MYO16: variants seen among roughly 807,000 people sequenced by gnomAD.
MYO16 encodes myosin XVI.
Under a neutral mutation model 205.3 loss-of-function variants are expected in MYO16, and 94 were observed. The observed-to-expected ratio is 0.46, with a 90% CI of 0.39 to 0.54. MYO16 has a LOEUF of 0.54. MYO16 is among the 20% of genes least tolerant of loss of function. The probability of loss-of-function intolerance (pLI) is 0.00; values close to 1 mark genes in which losing one functional copy is unlikely to be tolerated. For missense variants in MYO16, 2,315 were observed against 2,387.5 expected (o/e 0.97, Z 0.63); for synonymous variants, 988 against 954.0 (o/e 1.04, Z -0.66).
At chr13:109,040,033 G>C (rs1886830860) in intron 23 of MYO16, among the ~76,000 whole-genome samples, 1 of 151,976 alleles carries the variant, frequency 6.6e-6, no homozygotes, top group Non-Finnish European at 1.5e-5. Flanking sequence ...AAGATACAAA[G>C]GGAATATTAC....
chr13:109,029,792 C>A (rs776044048), intron 23 of MYO16, among the ~76,000 whole-genome samples: 1 of 152,118 alleles, frequency 6.6e-6, no homozygotes, highest in African/African-American at 2.4e-5. Context: ...CACGAATTTC[C>A]CCTTTGGCAG....
intron 27 of MYO16, among the ~76,000 whole-genome samples, chr13:109,096,953 T>C (rs903535255): frequency 6.6e-6 from 1 of 152,220 alleles, no homozygotes; most frequent in Non-Finnish European, 1.5e-5. Context: ...TCTTTCCCAT[T>C]TGAACACATT....
intron 27 of MYO16, among the ~76,000 whole-genome samples, chr13:109,058,406 C>T (rs1025030778): frequency 1.3e-5 from 2 of 152,062 alleles, no homozygotes; most frequent in Admixed American, 6.6e-5. Flanking sequence ...ACCTTGGAGA[C>T]GTAGTAGGTT....
chr13:109,173,613 C>T (rs577544731), intron 33 of MYO16, among the ~76,000 whole-genome samples: 98 of 151,992 alleles, frequency 6.4e-4, no homozygotes, highest in African/African-American at 2.1e-3. Flanking sequence ...AAGAGTGTCT[C>T]GGCCGGGCGC....
chr13:108,828,745 A>G (rs1277072664), intron 9 of MYO16, among the ~76,000 whole-genome samples: 1 of 152,124 alleles, frequency 6.6e-6, no homozygotes, highest in Non-Finnish European at 1.5e-5. Flanking sequence ...GTGGCCAATG[A>G]TGGCATCATT....
chr13:108,743,863 C>T (rs1884982071), intron 4 of MYO16, among the ~76,000 whole-genome samples: 1 of 152,190 alleles, frequency 6.6e-6, no homozygotes, highest in Admixed American at 6.5e-5. Flanking sequence ...CAAAACTTGA[C>T]TCATTAGTTG....
intron 4 of MYO16, among the ~76,000 whole-genome samples, chr13:108,771,962 G>A (rs957262335): frequency 1.3e-5 from 2 of 152,196 alleles, no homozygotes; most frequent in Admixed American, 1.3e-4. Context: ...AGACATCTGT[G>A]TGTAGGTGTT....
chr13:108,910,267 G>T, intron 16 of MYO16, 117 bp downstream of exon 16: 2 of 1,135,722 alleles, frequency 1.8e-6, no homozygotes, highest in Non-Finnish European at 1.3e-6. Context: ...AAAGATAACT[G>T]TTGGATACTG....
intron 2 of MYO16, among the ~76,000 whole-genome samples, chr13:108,678,033 C>A (rs1261509087): frequency 6.6e-6 from 1 of 152,222 alleles, no homozygotes; most frequent in African/African-American, 2.4e-5. Flanking sequence ...GGAAAACAAT[C>A]TGTAGATGAT....
At chr13:108,592,589 G>A (rs1382570371), upstream of MYO16, among the ~76,000 whole-genome samples, 1 of 148,914 alleles carries the variant, frequency 6.7e-6, no homozygotes, top group Non-Finnish European at 1.5e-5. Context: ...GGAGTGGAGT[G>A]GGTAAGGTGT....
At chr13:108,802,474 C>A (rs1039428845) in intron 6 of MYO16, among the ~76,000 whole-genome samples, 11 of 152,214 alleles carry the variant, frequency 7.2e-5, no homozygotes, top group South Asian at 2.1e-4. Context: ...GCTACATTTT[C>A]TTCACGTATT....
chr13:108,742,078 C>T (rs767728894), intron 4 of MYO16, among the ~76,000 whole-genome samples: 8 of 152,092 alleles, frequency 5.3e-5, no homozygotes, highest in Admixed American at 1.3e-4. Flanking sequence ...CTGCAACCTC[C>T]GTCCCCAGGG....
intron 16 of MYO16, among the ~76,000 whole-genome samples, chr13:108,934,392 T>C (rs2139298652): frequency 6.6e-6 from 1 of 152,326 alleles, no homozygotes; most frequent in African/African-American, 2.4e-5. Context: ...TTGGGTGTCA[T>C]CGTTTGTGAA....
chr13:108,725,461 G>A (rs1049990152), intron 3 of MYO16, among the ~76,000 whole-genome samples: 11 of 152,054 alleles, frequency 7.2e-5, no homozygotes, highest in African/African-American at 2.4e-4. Context: ...TCTTTTCAGG[G>A]CCTGAATTTG....
chr13:108,652,464 T>C (rs1289443239), intron 1 of MYO16, among the ~76,000 whole-genome samples: 1 of 152,182 alleles, frequency 6.6e-6, no homozygotes, highest in Admixed American at 6.5e-5. Context: ...AAGTGTACAG[T>C]TCAGGAATGT....
chr13:108,898,262 G>A (rs145249092), intron 15 of MYO16, 129 bp downstream of exon 15: 12 of 730,420 alleles, frequency 1.6e-5, no homozygotes, highest in Non-Finnish European at 2.6e-5. Context: ...CTTCATGACC[G>A]TGTCTGGAAA....
In MYO16 at chr13:109,019,881, A is replaced by C; in HGVS notation, c.2766A>C (p.Thr922=). ...NGNVALKDHG[T]AFTIMHYAGR... is the part of the protein sequence containing the mutation. ...ATGTTGCCCTCAAAGACCACGGTAC[A>C]GCCTTCACCATCATGCACTACGCAG... Residue 922 remains threonine (T), a synonymous_variant, in exon 23 of 35, where the codon ACA becomes ACC. Transcript: ENST00000457511. The C allele has an allele frequency of 6.2e-7, 1 of 1,614,190 alleles. No individual in the cohort carries two copies. The highest frequency in any genetic ancestry group is 8.5e-7 in the Non-Finnish European group (1 of 1,180,022).
At chr13:108,863,234 A>T (rs192915633) in intron 11 of MYO16, among the ~76,000 whole-genome samples, 4 of 152,242 alleles carry the variant, frequency 2.6e-5, no homozygotes, top group African/African-American at 9.6e-5. Context: ...CACTAAAAAG[A>T]CTGGAAGTGT....
chr13:108,733,472 A>T (rs1302776686), intron 4 of MYO16, among the ~76,000 whole-genome samples: 1 of 152,226 alleles, frequency 6.6e-6, no homozygotes, highest in Non-Finnish European at 1.5e-5. Flanking sequence ...ATTTGATCCC[A>T]TAAAGGCCAG....
Sources: gnomAD v4.1 joint callset for allele counts (sites outside exome capture counted in the v4.1 genomes callset) on GRCh38, gnomAD v4.1.1 for gene constraint, MANE v1.5 for transcripts, NCBI Gene and HGNC (gene_info 2026-07-23, HGNC 2026-07-21) for gene names.